Variants in GRIN2A observed in about 807,000 individuals in gnomAD.
GRIN2A encodes glutamate ionotropic receptor NMDA type subunit 2A, also known as glutamate receptor ionotropic, NMDA 2A.
A neutral mutation model predicts 113.4 loss-of-function variants in GRIN2A; 22 were observed. That is an observed-to-expected ratio of 0.19 (90% CI 0.14 to 0.28). The LOEUF is 0.28. Ranked by LOEUF, GRIN2A falls within the 10% of genes least tolerant of loss-of-function variation. The pLI, the probability that GRIN2A is intolerant of heterozygous loss-of-function variation, is 1.00. For missense variants in GRIN2A, 1,502 were observed against 1,887.0 expected (o/e 0.80, Z 3.78); for synonymous variants, 827 against 738.4 (o/e 1.12, Z -1.94).
intron 10 of GRIN2A, among the ~76,000 whole-genome samples, chr16:9,810,817 A>G (rs975543586): frequency 6.6e-6 from 1 of 152,158 alleles, no homozygotes; most frequent in African/African-American, 2.4e-5. Flanking sequence ...CACTGGGGAC[A>G]CCTGAAGGTG....
chr16:9,990,517 C>T (rs2046081771), intron 2 of GRIN2A, among the ~76,000 whole-genome samples: 1 of 151,402 alleles, frequency 6.6e-6, no homozygotes, highest in Non-Finnish European at 1.5e-5. Flanking sequence ...CAAACCTGCA[C>T]ACGCACCCCC....
rs1900616213 is a variant in GRIN2A at position 9,762,220 on chromosome 16, G to C, written c.*929C>G. 1 of 222,656 alleles carries C rather than the reference G, an allele frequency of 4.5e-6. No homozygotes were observed. Among genetic ancestry groups the C allele is most frequent in the Non-Finnish European group, 9.0e-6 (1 of 111,206 alleles). 13.8% of individuals were successfully genotyped at this position (222,656 alleles called of 1,614,324 possible). On this transcript the variant is annotated 3_prime_UTR_variant, in exon 13 of 13. Transcript: ENST00000330684. The stretch of plus-strand genomic sequence containing the variant: ...GTTATGGTTACTCTGGGAGGGAAGG[G>C]GTAACAGATACTATACAACCCTGAG...
At chr16:9,895,277 G>A (rs114868200) in intron 3 of GRIN2A, among the ~76,000 whole-genome samples, 1,871 of 152,300 alleles carry the variant, frequency 0.012, 58 homozygotes, top group African/African-American at 0.043. Context: ...GTGCTGAGAA[G>A]GAAGAGGAAG....
rs112057436 is a variant in GRIN2A at position 9,856,886 on chromosome 16, CA to C, written c.1123-6926del. On this transcript the variant is annotated intron_variant, in intron 4 of 12. Transcript: ENST00000330684. Reference sequence around the variant, plus strand: ...AATGCAACTAGAATTTTCTGCTGAACAAAAAAAAAAGACTAACTTTACAATG... The same window carrying C: ...AATGCAACTAGAATTTTCTGCTGAACAAAAAAAAAGACTAACTTTACAATG... 5.5e-3 allele frequency among the ~76,000 whole-genome samples: 776 copies of C among 142,008 alleles called. 4 individuals carry two copies. The highest frequency in any genetic ancestry group is 0.018 in the African/African-American group (684 of 38,670). 93.2% of individuals were successfully genotyped at this position (142,008 alleles called of 152,430 possible).
chr16:10,092,032 A>G lies in GRIN2A; in HGVS notation c.414+87966T>C, dbSNP rs79419043. ...TATGATAAGTAAATTATATATCAATAAAGGTATTAAAATAATTAATCCTCT... is the reference window on the plus strand; with the variant it reads ...TATGATAAGTAAATTATATATCAATGAAGGTATTAAAATAATTAATCCTCT... On this transcript the variant is annotated intron_variant, in intron 2 of 12. Transcript: ENST00000330684. Among the ~76,000 whole-genome samples, 418 of 152,352 alleles carry G rather than the reference A, an allele frequency of 2.7e-3. 4 individuals are homozygous for G. Among genetic ancestry groups the G allele is most frequent in the South Asian group, 0.011 (51 of 4,828 alleles).
rs1900579217 is a variant in GRIN2A, at chr16:9,761,466, G to A, written c.*1683C>T. The stretch of plus-strand genomic sequence containing the variant: ...ACTGAGGTCTTCTGCAAACACTGAT[G>A]GCTAGTTATCCCAAATACTTCAAAA... On this transcript the variant is annotated 3_prime_UTR_variant, in exon 13 of 13. Coordinates refer to ENST00000330684, the MANE Select transcript of GRIN2A (RefSeq NM_001134407.3). The A allele has an allele frequency of 4.3e-6, 1 of 230,608 alleles. No individual in the cohort carries two copies. The highest frequency in any genetic ancestry group is 8.6e-6 in the Non-Finnish European group (1 of 116,594). The allele number at this position is 230,608 out of a possible 1,614,324, so 14.3% of individuals were successfully genotyped here. A position where few individuals can be genotyped will look rare whatever the true frequency, so the allele number is the denominator to read the frequency against.
At chr16:10,110,268 G>C (rs984597827) in intron 2 of GRIN2A, among the ~76,000 whole-genome samples, 5 of 152,200 alleles carry the variant, frequency 3.3e-5, no homozygotes, top group African/African-American at 1.2e-4. Context: ...GAAACCATTT[G>C]GAATAGCATT....
At chr16:9,885,627 C>A (rs1196573092) in intron 4 of GRIN2A, among the ~76,000 whole-genome samples, 1 of 152,204 alleles carries the variant, frequency 6.6e-6, no homozygotes, top group Non-Finnish European at 1.5e-5. Context: ...TGGCTGACCT[C>A]GGAGATGAAA....
intron 2 of GRIN2A, among the ~76,000 whole-genome samples, chr16:10,143,064 C>T (rs11074610): frequency 0.017 from 2,600 of 152,214 alleles, 76 homozygotes; most frequent in African/African-American, 0.059. Flanking sequence ...TTAGATTTGC[C>T]GGTCTTAATT....
At chr16:9,945,809 G>T (rs183740081) in intron 2 of GRIN2A, among the ~76,000 whole-genome samples, 2 of 152,046 alleles carry the variant, frequency 1.3e-5, no homozygotes, top group African/African-American at 4.8e-5. Context: ...CACTTGCTAG[G>T]TTATGACTTG....
In GRIN2A at chr16:9,974,221, C is replaced by T. The variant is rs115649768; in HGVS notation, c.415-35670G>A. Among the ~76,000 whole-genome samples, 899 of 152,154 alleles carry T rather than the reference C, an allele frequency of 5.9e-3. 7 individuals are homozygous for T. Among genetic ancestry groups the T allele is most frequent in the African/African-American group, 0.02 (843 of 41,502 alleles). On this transcript the variant is annotated intron_variant, in intron 2 of 12. Coordinates refer to ENST00000330684, the MANE Select transcript of GRIN2A (RefSeq NM_001134407.3). Reference sequence around the variant, plus strand: ...TTATACTCAGAAAAAGAAAGAGAAGCGAAACTAAAGGCAGTTAGCCTGGTG... The same window carrying T: ...TTATACTCAGAAAAAGAAAGAGAAGTGAAACTAAAGGCAGTTAGCCTGGTG...
intron 2 of GRIN2A, among the ~76,000 whole-genome samples, chr16:10,022,316 C>T (rs913730473): frequency 6.6e-6 from 1 of 151,770 alleles, no homozygotes; most frequent in Non-Finnish European, 1.5e-5. Flanking sequence ...CACATATTCA[C>T]ACACACACGC....
At chr16:9,937,364 G>A (rs73504612) in intron 3 of GRIN2A, among the ~76,000 whole-genome samples, 2,118 of 152,138 alleles carry the variant, frequency 0.014, 50 homozygotes, top group African/African-American at 0.048. Flanking sequence ...GAATATAATT[G>A]AATTGTTTGT....
intron 2 of GRIN2A, among the ~76,000 whole-genome samples, chr16:9,969,485 C>A (rs1256221444): frequency 6.6e-6 from 1 of 152,124 alleles, no homozygotes; most frequent in Admixed American, 6.6e-5. Context: ...TATGCCAATG[C>A]CTTCCAAATC....
intron 2 of GRIN2A, among the ~76,000 whole-genome samples, chr16:10,057,667 T>C (rs1010043228): frequency 5.3e-5 from 8 of 151,666 alleles, no homozygotes; most frequent in Admixed American, 2.6e-4. Flanking sequence ...CCAAAGAGGC[T>C]TACACGATCA....
intron 2 of GRIN2A, among the ~76,000 whole-genome samples, chr16:10,027,141 C>G (rs2046837688): frequency 6.6e-6 from 1 of 152,118 alleles, no homozygotes; most frequent in Admixed American, 6.5e-5. Context: ...CATGCACAGC[C>G]CATTGAAGGC....
intron 11 of GRIN2A, among the ~76,000 whole-genome samples, chr16:9,795,339 A>C (rs1340745777): frequency 6.6e-6 from 1 of 152,156 alleles, no homozygotes; most frequent in South Asian, 2.1e-4. Flanking sequence ...GCGCCATGAC[A>C]GTTTACAAAT....
chr16:9,758,925 A>G lies in GRIN2A; in HGVS notation c.*4224T>C. 4.5e-6 allele frequency: 1 copy of G among 221,202 alleles called. No homozygotes were observed. Among genetic ancestry groups the G allele is most frequent in the Non-Finnish European group, 9.1e-6 (1 of 110,424 alleles). The allele number at this position is 221,202 out of a possible 1,614,324, so 13.7% of individuals were successfully genotyped here. On this transcript the variant is annotated 3_prime_UTR_variant, in exon 13 of 13. Transcript: ENST00000330684. ...AAATTGCCTTTACATAGAACCCTTC[A>G]CTCATTAAATATCAAGCAACACATT...
At chr16:9,974,704 A>G (rs180788596) in intron 2 of GRIN2A, among the ~76,000 whole-genome samples, 13 of 152,330 alleles carry the variant, frequency 8.5e-5, no homozygotes, top group Admixed American at 5.2e-4. Context: ...ATGTGAAGCA[A>G]TGCAATACCA....
Sources: gnomAD v4.1 joint callset for allele counts (sites outside exome capture counted in the v4.1 genomes callset) on GRCh38, gnomAD v4.1.1 for gene constraint, MANE v1.5 for transcripts, NCBI Gene and HGNC (gene_info 2026-07-23, HGNC 2026-07-21) for gene names.